The following RHAG variants were observed in gnomAD, a reference collection of about 807,000 sequenced individuals.
The protein encoded by RHAG is ammonium transporter Rh type A.
Under a neutral mutation model 42.4 loss-of-function variants are expected in RHAG, and 25 were observed. That is an observed-to-expected ratio of 0.59 (90% CI 0.43 to 0.82). The LOEUF is 0.82. Among genes scored for constraint, RHAG ranks in the 40% least tolerant of loss-of-function variants. RHAG has a pLI of 0.00. For synonymous variants in RHAG, 182 were observed against 177.7 expected, an observed-to-expected ratio of 1.02 and a Z score of -0.19; for missense variants, 483 against 504.6, an observed-to-expected ratio of 0.96 and a Z score of 0.41.
At chr6:49,620,677 G>A (rs182412178) in intron 1 of RHAG, among the ~76,000 whole-genome samples, 6 of 152,198 alleles carry the variant, frequency 3.9e-5, no homozygotes, top group South Asian at 4.2e-4. Flanking sequence ...GATTACGGGC[G>A]CATGCCACCA....
chr6:49,620,244 A>G (rs921733243), intron 1 of RHAG, among the ~76,000 whole-genome samples: 2 of 152,164 alleles, frequency 1.3e-5, no homozygotes, highest in Non-Finnish European at 2.9e-5. Flanking sequence ...TAAAGGCCCT[A>G]TTTCACAGAA....
At chr6:49,632,800 T>A (rs934707924) in intron 1 of RHAG, among the ~76,000 whole-genome samples, 2 of 152,162 alleles carry the variant, frequency 1.3e-5, no homozygotes, top group African/African-American at 4.8e-5. Flanking sequence ...CAGAGAGCCT[T>A]CTCTTTAACC....
Position 49,618,099 on chromosome 6 carries a change from T to C in RHAG, c.461A>G (p.His154Arg). 6.2e-7 allele frequency: 1 copy of C among 1,614,020 alleles called. No individual in the cohort carries two copies. Among genetic ancestry groups the C allele is most frequent in the Non-Finnish European group, 8.5e-7 (1 of 1,179,880 alleles). Residue 154 changes from histidine to arginine, a missense_variant, in exon 3 of 10, where the codon CAC (histidine) becomes CGC (arginine). His to Arg is a conservative substitution (Grantham distance 29). Coordinates refer to ENST00000371175, the MANE Select transcript of RHAG (RefSeq NM_000324.3). ...MTILEIVFFA[H>R]NEYLVSEIFK... ...TATTTCACTAACCAGGTATTCATTG[T>C]GGGCAAAGAAAACAATTTCTAAAAT... is the stretch of plus-strand genomic sequence containing the variant.
chr6:49,632,992 C>A (rs1243860037), intron 1 of RHAG, among the ~76,000 whole-genome samples: 1 of 152,056 alleles, frequency 6.6e-6, no homozygotes, highest in Non-Finnish European at 1.5e-5. Context: ...ATATTCATGG[C>A]ATGAAACATG....
At chr6:49,614,001 ACT>A (rs1184424816) in intron 5 of RHAG, among the ~76,000 whole-genome samples, 3 of 151,700 alleles carry the variant, frequency 2.0e-5, no homozygotes, top group African/African-American at 7.3e-5. Flanking sequence ...GCATCATCCC[ACT>A]CTCTTTTTCT....
chr6:49,609,222 C>G (rs1382807503), intron 7 of RHAG, among the ~76,000 whole-genome samples: 1 of 151,894 alleles, frequency 6.6e-6, no homozygotes, highest in African/African-American at 2.4e-5. Context: ...GGCTTGCCCC[C>G]CTTCCCCTCT....
At position 49,622,605 on chromosome 6, in the gene RHAG, C is replaced by T. The variant is rs146488644; in HGVS notation, c.158-3243G>A. Among the ~76,000 whole-genome samples, 361 of 152,238 alleles carry T rather than the reference C, an allele frequency of 2.4e-3. 3 individuals are homozygous for T. The highest frequency in any genetic ancestry group is 8.3e-3 in the African/African-American group (346 of 41,548). On this transcript the variant is annotated intron_variant, in intron 1 of 9. Transcript: ENST00000371175. ...CAAGAGGTGACTTGCTCCTCCTTGC[C>T]TTCCACCATGACTGTGAGGCCTCCC...
chr6:49,624,014 T>C (rs913436839), intron 1 of RHAG, among the ~76,000 whole-genome samples: 1 of 152,046 alleles, frequency 6.6e-6, no homozygotes, highest in Non-Finnish European at 1.5e-5. Flanking sequence ...CCTGAGATCA[T>C]AGCAACTCAG....
intron 1 of RHAG, among the ~76,000 whole-genome samples, chr6:49,628,957 C>A (rs531614800): frequency 6.6e-6 from 1 of 152,166 alleles, no homozygotes; most frequent in Non-Finnish European, 1.5e-5. Flanking sequence ...CTCAGGTAGC[C>A]TGCTTTTATT....
intron 7 of RHAG, among the ~76,000 whole-genome samples, chr6:49,610,725 C>T (rs1762558256): frequency 6.6e-6 from 1 of 152,174 alleles, no homozygotes; most frequent in Non-Finnish European, 1.5e-5. Context: ...AAGAAAAAGA[C>T]TAATCCTTCT....
chr6:49,621,675 AT>A (rs1458909424), intron 1 of RHAG, among the ~76,000 whole-genome samples: 1 of 152,138 alleles, frequency 6.6e-6, no homozygotes, highest in African/African-American at 2.4e-5. Context: ...CCACCATTTA[AT>A]TTTTGTATGT....
intron 1 of RHAG, among the ~76,000 whole-genome samples, chr6:49,631,301 T>C (rs1430227458): frequency 1.3e-5 from 2 of 152,210 alleles, no homozygotes; most frequent in Non-Finnish European, 2.9e-5. Context: ...GATTTTAGCT[T>C]CCATGATGAA....
intron 1 of RHAG, among the ~76,000 whole-genome samples, chr6:49,623,063 C>T (rs1006466803): frequency 1.4e-4 from 21 of 152,066 alleles, no homozygotes; most frequent in African/African-American, 4.8e-4. Flanking sequence ...TGGTCTCGAT[C>T]TCCTGACCTC....
chr6:49,636,588 A>G (rs1763012735), intron 1 of RHAG, 68 bp downstream of exon 1: 2 of 1,481,446 alleles, frequency 1.4e-6, no homozygotes, highest in East Asian at 2.3e-5. Context: ...TATAGTATTC[A>G]ATTGTTTTAC....
intron 7 of RHAG, among the ~76,000 whole-genome samples, chr6:49,610,680 A>G (rs928207590): frequency 6.6e-6 from 1 of 152,168 alleles, no homozygotes; most frequent in African/African-American, 2.4e-5. Flanking sequence ...TGTTCAGCTC[A>G]TCATATGTGC....
chr6:49,614,442 TC>T (rs1409357180), intron 5 of RHAG, among the ~76,000 whole-genome samples: 3 of 151,884 alleles, frequency 2.0e-5, no homozygotes, highest in African/African-American at 7.3e-5. Context: ...CCTCAGGTAA[TC>T]CCCCTGTCTA....
intron 6 of RHAG, 30 bp from the exon 7 acceptor site, chr6:49,611,175 A>G: frequency 6.3e-7 from 1 of 1,583,870 alleles, no homozygotes; most frequent in Non-Finnish European, 8.7e-7. Context: ...AAGGTTTATT[A>G]TTTAGTTAAA....
intron 7 of RHAG, among the ~76,000 whole-genome samples, chr6:49,608,962 C>A (rs1340885357): frequency 1.3e-5 from 2 of 152,038 alleles, no homozygotes; most frequent in Non-Finnish European, 2.9e-5. Flanking sequence ...TTTTTGATAA[C>A]AAGTGTTCTG....
rs57969448 is a variant in RHAG, at chr6:49,628,135, G to GACAC, written c.157+8517_157+8520dup. ...CACACCCAACACTTTGTGTGTGTGA[G>GACAC]ACACACACACACACACACACACACA... On this transcript the variant is annotated intron_variant, in intron 1 of 9. Transcript: ENST00000371175. 5.1e-3 allele frequency among the ~76,000 whole-genome samples: 699 copies of GACAC among 135,934 alleles called. 7 individuals carry two copies. The highest frequency in any genetic ancestry group is 0.016 in the African/African-American group (565 of 36,130). 89.2% of individuals were successfully genotyped at this position (135,934 alleles called of 152,430 possible). A position where few individuals can be genotyped will look rare whatever the true frequency, so the allele number is the denominator to read the frequency against.
Sources: allele counts gnomAD v4.1 joint callset (sites outside exome capture counted in the v4.1 genomes callset), GRCh38; gene constraint gnomAD v4.1.1; transcripts MANE v1.5; gene names NCBI Gene and HGNC (gene_info 2026-07-23, HGNC 2026-07-21).